The following DMD variants were observed in gnomAD, a reference collection of about 807,000 sequenced individuals.
The protein encoded by DMD is dystrophin.
In DMD, 63 loss-of-function variants were observed where a neutral mutation model predicts 330.1. The observed-to-expected ratio is 0.19, with a 90% CI of 0.16 to 0.24. DMD has a LOEUF of 0.24. DMD is among the 10% of genes least tolerant of loss of function. The pLI, the probability that DMD is intolerant of heterozygous loss-of-function variation, is 1.00. For missense variants in DMD, 3,344 were observed against 2,684.1 expected (o/e 1.25, Z -5.43); for synonymous variants, 1,223 against 959.8 (o/e 1.27, Z -5.07).
intron 63 of DMD, among the ~76,000 whole-genome samples, chrX:31,255,444 A>G (rs1285108032): frequency 9.0e-6 from 1 of 111,339 alleles, no homozygotes; most frequent in Non-Finnish European, 1.9e-5. Context: ...GTGACGAAGA[A>G]TGTACCCTCT....
intron 51 of DMD, among the ~76,000 whole-genome samples, chrX:31,736,291 G>C (rs1235603871): frequency 1.8e-5 from 2 of 111,869 alleles, no homozygotes; most frequent in Non-Finnish European, 3.8e-5. Flanking sequence ...AAGCTGAACA[G>C]GACAGTTAGA....
chrX:33,007,833 T>C (rs774044944), intron 2 of DMD, among the ~76,000 whole-genome samples: 1 of 111,721 alleles, frequency 9.0e-6, no homozygotes, highest in African/African-American at 3.2e-5. Context: ...CTCAAAATAT[T>C]TATTCTCTGA....
intron 1 of DMD, among the ~76,000 whole-genome samples, chrX:33,131,693 A>G (rs747966819): frequency 2.6e-3 from 290 of 112,043 alleles, no homozygotes; most frequent in African/African-American, 9.0e-3. Flanking sequence ...CATCGGTACG[A>G]TAAGATATCC....
At chrX:32,554,952 G>A (rs201499094) in intron 16 of DMD, among the ~76,000 whole-genome samples, 441 of 41,306 alleles carry the variant, frequency 0.011, 49 homozygotes, top group Admixed American at 0.071. Flanking sequence ...AGAGAGAGAG[G>A]GAGAGAGAAA....
intron 60 of DMD, among the ~76,000 whole-genome samples, chrX:31,409,219 C>G (rs1237552129): frequency 8.9e-6 from 1 of 112,327 alleles, no homozygotes; most frequent in East Asian, 2.8e-4. Flanking sequence ...GGAAAGGTAT[C>G]TAGCCCATTT....
chrX:32,491,283 A>T lies in DMD; in HGVS notation c.2616T>A (p.Ile872=). ...AAGGAGAAGAGATTCTTACCTTACA[A>T]ATTTTTAACTGACTTTTAATTGCTG... ...EPTAIKSQLK[I]CKDEVNRLSD... Residue 872 remains isoleucine (I), a synonymous_variant, in exon 20 of 79, where the codon ATT becomes ATA. Transcript: ENST00000357033. The T allele has an allele frequency of 8.3e-7, 1 of 1,211,836 alleles. No homozygotes were observed.
chrX:32,961,244 GA>G (rs2091881948), intron 2 of DMD, among the ~76,000 whole-genome samples: 6 of 111,306 alleles, frequency 5.4e-5, no homozygotes, highest in Admixed American at 3.9e-4. Flanking sequence ...GGTCTCTAAG[GA>G]AATATTTGAT....
intron 55 of DMD, among the ~76,000 whole-genome samples, chrX:31,538,535 G>C (rs191714475): frequency 1.7e-4 from 19 of 112,148 alleles, no homozygotes; most frequent in Admixed American, 1.6e-3. Context: ...GCTTGCACCA[G>C]AAGATATCCC....
chrX:31,896,128 G>A (rs1230210693), intron 47 of DMD, among the ~76,000 whole-genome samples: 2 of 100,837 alleles, frequency 2.0e-5, no homozygotes, highest in African/African-American at 7.4e-5. Flanking sequence ...TATTGTACAA[G>A]ATAACTTGAA....
At chrX:32,231,723 T>C (rs890674888) in intron 43 of DMD, among the ~76,000 whole-genome samples, 21 of 111,943 alleles carry the variant, frequency 1.9e-4, no homozygotes, top group African/African-American at 1.9e-4. Context: ...AAGGTAGTTA[T>C]AATTAACAAG....
intron 59 of DMD, among the ~76,000 whole-genome samples, chrX:31,449,599 T>C (rs1403214158): frequency 1.9e-5 from 2 of 107,322 alleles, no homozygotes; most frequent in Non-Finnish European, 3.8e-5. Flanking sequence ...ATGAAGCTTG[T>C]AGATGGAGAG....
intron 1 of DMD, among the ~76,000 whole-genome samples, chrX:33,135,748 T>G (rs1436730390): frequency 8.9e-6 from 1 of 112,157 alleles, no homozygotes; most frequent in Non-Finnish European, 1.9e-5. Flanking sequence ...TTGCACCAAT[T>G]TTCACATTTT....
At chrX:32,945,633 G>A (rs1569544773) in intron 2 of DMD, among the ~76,000 whole-genome samples, 1 of 111,262 alleles carries the variant, frequency 9.0e-6, no homozygotes, top group Admixed American at 9.6e-5. Flanking sequence ...TCACAGAGTT[G>A]GCTCTTGTTT....
chrX:32,713,596 A>G (rs1015500787), intron 7 of DMD, among the ~76,000 whole-genome samples: 4 of 111,832 alleles, frequency 3.6e-5, no homozygotes, highest in African/African-American at 1.3e-4. Flanking sequence ...GCTCCTCTCT[A>G]GATTATTTCT....
intron 61 of DMD, among the ~76,000 whole-genome samples, chrX:31,344,706 C>T (rs766767512): frequency 3.6e-5 from 4 of 110,281 alleles, no homozygotes; most frequent in Admixed American, 2.9e-4. Flanking sequence ...AAAAATTAGC[C>T]AAGCGTGGTG....
chrX:32,913,816 A>G (rs1569542060), intron 2 of DMD, among the ~76,000 whole-genome samples: 1 of 112,379 alleles, frequency 8.9e-6, no homozygotes, highest in East Asian at 2.8e-4. Context: ...AGGCACAGGA[A>G]CCAGAGACAT....
At position 31,889,647 on chromosome X, in the gene DMD, T is replaced by TCACACACACA. The variant is rs773894352; in HGVS notation, c.6913-14284_6913-14275dup. On this transcript the variant is annotated intron_variant, in intron 47 of 78. Coordinates refer to ENST00000357033, the MANE Select transcript of DMD (RefSeq NM_004006.3). The stretch of plus-strand genomic sequence containing the variant: ...CTCTCTCTCTCTCTCTCTCTCTCTC[T>TCACACACACA]CACACACACACACACACACACACAC... 1.9e-3 allele frequency among the ~76,000 whole-genome samples: 136 copies of TCACACACACA among 71,569 alleles called. 1 individual carries two copies. The highest frequency in any genetic ancestry group is 7.0e-3 in the African/African-American group (124 of 17,784). The allele number at this position is 71,569 out of a possible 115,157, so 62.1% of individuals were successfully genotyped here.
chrX:31,433,754 C>T (rs897123128), intron 60 of DMD, among the ~76,000 whole-genome samples: 2 of 111,543 alleles, frequency 1.8e-5, no homozygotes, highest in Non-Finnish European at 3.8e-5. Flanking sequence ...CCACGACACC[C>T]GGTCATTTTT....
At chrX:32,580,157 C>T (rs2053505682) in intron 13 of DMD, among the ~76,000 whole-genome samples, 1 of 111,016 alleles carries the variant, frequency 9.0e-6, no homozygotes, top group South Asian at 3.8e-4. Context: ...CATCACATTC[C>T]CAGGCATTCC....
Sources: gnomAD v4.1 joint callset for allele counts (sites outside exome capture counted in the v4.1 genomes callset) on GRCh38, gnomAD v4.1.1 for gene constraint, MANE v1.5 for transcripts, NCBI Gene and HGNC (gene_info 2026-07-23, HGNC 2026-07-21) for gene names.